The following LPP variants were observed in gnomAD, a reference collection of about 807,000 sequenced individuals.
LPP encodes the protein LIM domain containing preferred translocation partner in lipoma.
In LPP, 38 loss-of-function variants were observed where a neutral mutation model predicts 60.4. The ratio of observed to expected loss-of-function variants is 0.63; its 90% CI spans 0.49 to 0.83. The LOEUF (loss-of-function observed/expected upper bound fraction) is 0.83, where lower values mean the gene tolerates loss of function less well. Ranked by LOEUF, LPP falls within the 40% of genes least tolerant of loss-of-function variation. The probability of loss-of-function intolerance (pLI) is 0.00; values close to 1 mark genes in which losing one functional copy is unlikely to be tolerated. For missense variants in LPP, 902 were observed against 783.6 expected (o/e 1.15, Z -1.80); for synonymous variants, 328 against 290.8 (o/e 1.13, Z -1.30).
At chr3:188,693,503 G>T (rs570810009) in intron 7 of LPP, among the ~76,000 whole-genome samples, 3 of 152,104 alleles carry the variant, frequency 2.0e-5, no homozygotes, top group Admixed American at 1.3e-4. Flanking sequence ...GAGATGAAAG[G>T]GGGGAGGCAA....
Position 188,475,795 on chromosome 3 carries a change from C to T in LPP, c.194-8797C>T, listed in dbSNP as rs193003792. Among the ~76,000 whole-genome samples, 238 of 152,070 alleles carry T rather than the reference C, an allele frequency of 1.6e-3. 1 individual carries two copies. Among genetic ancestry groups the T allele is most frequent in the African/African-American group, 5.4e-3 (222 of 41,468 alleles). ...GCGGGCGCCTGTAGTCCCAGCTACTCGGGAGGCTGAGGCAGGAGAATGGCC... is the reference window on the plus strand; with the variant it reads ...GCGGGCGCCTGTAGTCCCAGCTACTTGGGAGGCTGAGGCAGGAGAATGGCC... On this transcript the variant is annotated intron_variant, in intron 4 of 11. Coordinates refer to ENST00000617246, the MANE Select transcript of LPP (RefSeq NM_001375462.1).
intron 7 of LPP, among the ~76,000 whole-genome samples, chr3:188,635,954 A>G (rs187272299): frequency 6.6e-6 from 1 of 152,324 alleles, no homozygotes; most frequent in African/African-American, 2.4e-5. Flanking sequence ...CACCTGTTTT[A>G]CCCAATGCCT....
chr3:188,216,347 T>A (rs1375803131), intron 1 of LPP, among the ~76,000 whole-genome samples: 1 of 150,460 alleles, frequency 6.6e-6, no homozygotes, highest in African/African-American at 2.4e-5. Context: ...CTTGGCTCAC[T>A]GCAACCTCTG....
At chr3:188,230,842 T>G (rs7637952) in intron 2 of LPP, among the ~76,000 whole-genome samples, 88,661 of 151,806 alleles carry the variant, frequency 0.58, 26,197 homozygotes, top group Middle Eastern at 0.63. Context: ...TGGGAGCAGC[T>G]TGGATGGGTG....
intron 6 of LPP, among the ~76,000 whole-genome samples, chr3:188,559,596 A>G (rs1830221833): frequency 6.6e-6 from 1 of 152,040 alleles, no homozygotes. Flanking sequence ...GTGTTCGTAG[A>G]GTCAATAGTT....
At chr3:188,451,003 A>G (rs186017075) in intron 4 of LPP, among the ~76,000 whole-genome samples, 2 of 152,034 alleles carry the variant, frequency 1.3e-5, no homozygotes, top group Admixed American at 1.3e-4. Context: ...GTGCTTGATC[A>G]TAGTGCATTT....
chr3:188,378,003 G>A (rs76458228), intron 3 of LPP, among the ~76,000 whole-genome samples: 6 of 152,154 alleles, frequency 3.9e-5, no homozygotes, highest in African/African-American at 7.2e-5. Flanking sequence ...TATCAGCAGC[G>A]GTGGCTGCAG....
At chr3:188,252,635 G>A (rs1480516621) in intron 2 of LPP, among the ~76,000 whole-genome samples, 1 of 152,052 alleles carries the variant, frequency 6.6e-6, no homozygotes, top group Non-Finnish European at 1.5e-5. Flanking sequence ...ATGAGAAGTG[G>A]TATCTCAGTA....
chr3:188,716,889 C>T (rs762157825), intron 8 of LPP, among the ~76,000 whole-genome samples: 23 of 152,152 alleles, frequency 1.5e-4, no homozygotes, highest in Non-Finnish European at 2.2e-4. Context: ...TGGAAGTTAG[C>T]GTCTTGCATC....
intron 2 of LPP, among the ~76,000 whole-genome samples, chr3:188,250,808 C>T (rs1417260844): frequency 1.5e-5 from 2 of 132,088 alleles, no homozygotes; most frequent in African/African-American, 6.3e-5. Context: ...TTCTTTCTTT[C>T]TCTTTCTTTC....
intron 3 of LPP, among the ~76,000 whole-genome samples, chr3:188,355,842 C>T (rs1767453382): frequency 6.6e-6 from 1 of 152,120 alleles, no homozygotes; most frequent in South Asian, 2.1e-4. Context: ...CTCGTAGGCT[C>T]CTCACACTTT....
At chr3:188,530,144 T>C (rs1363073405) in intron 6 of LPP, among the ~76,000 whole-genome samples, 3 of 136,376 alleles carry the variant, frequency 2.2e-5, no homozygotes, top group African/African-American at 7.8e-5. Flanking sequence ...TAAATGGGAT[T>C]ACTGCTGAAA....
intron 2 of LPP, among the ~76,000 whole-genome samples, chr3:188,297,589 A>G (rs1032116721): frequency 3.3e-5 from 5 of 152,230 alleles, no homozygotes; most frequent in Admixed American, 2.0e-4. Flanking sequence ...AGTAGTTTAT[A>G]TAGTGATTCA....
At chr3:188,819,825 G>A (rs1021627862) in intron 9 of LPP, among the ~76,000 whole-genome samples, 1 of 152,128 alleles carries the variant, frequency 6.6e-6, no homozygotes. Context: ...TCTTTGAATG[G>A]CAAACTCACC....
intron 2 of LPP, among the ~76,000 whole-genome samples, chr3:188,229,501 T>C (rs774005204): frequency 2.0e-5 from 3 of 152,194 alleles, no homozygotes; most frequent in Non-Finnish European, 4.4e-5. Flanking sequence ...CTATAATTCC[T>C]CAGTCAGGTG....
chr3:188,375,724 T>G (rs1053403147), intron 3 of LPP, among the ~76,000 whole-genome samples: 2 of 152,226 alleles, frequency 1.3e-5, no homozygotes, highest in Non-Finnish European at 1.5e-5. Flanking sequence ...GCTCTGATCT[T>G]AGTTATTTCT....
At chr3:188,718,553 A>C (rs1272838290) in intron 8 of LPP, among the ~76,000 whole-genome samples, 1 of 152,226 alleles carries the variant, frequency 6.6e-6, no homozygotes, top group Non-Finnish European at 1.5e-5. Flanking sequence ...CTTTTATCTC[A>C]GTGTCTTTAT....
At chr3:188,328,271 C>T (rs1329202346) in intron 2 of LPP, among the ~76,000 whole-genome samples, 1 of 152,090 alleles carries the variant, frequency 6.6e-6, no homozygotes, top group Non-Finnish European at 1.5e-5. Context: ...TTGATTGAGT[C>T]TCCTATGATT....
intron 4 of LPP, among the ~76,000 whole-genome samples, chr3:188,428,084 A>T (rs1403616722): frequency 1.3e-5 from 2 of 152,082 alleles, no homozygotes; most frequent in African/African-American, 4.8e-5. Context: ...GGTTGCAAAG[A>T]CCATGGGAAA....
Sources: gnomAD v4.1 joint callset for allele counts (sites outside exome capture counted in the v4.1 genomes callset) on GRCh38, gnomAD v4.1.1 for gene constraint, MANE v1.5 for transcripts, NCBI Gene and HGNC (gene_info 2026-07-23, HGNC 2026-07-21) for gene names.